Variants in PPP2R5D observed in about 807,000 individuals in gnomAD.
PPP2R5D encodes the protein serine/threonine-protein phosphatase 2A 56 kDa regulatory subunit delta isoform.
PPP2R5D carries 12 observed loss-of-function variants against 79.1 expected under a neutral mutation model. That is an observed-to-expected ratio of 0.15 (90% confidence interval 0.10 to 0.25). PPP2R5D has a LOEUF of 0.25. Among genes scored for constraint, PPP2R5D ranks in the 10% least tolerant of loss-of-function variants. The pLI, the probability that PPP2R5D is intolerant of heterozygous loss-of-function variation, is 1.00. For missense variants in PPP2R5D, 419 were observed against 760.2 expected, an observed-to-expected ratio of 0.55 and a Z score of 5.28; for synonymous variants, 277 against 286.6, an observed-to-expected ratio of 0.97 and a Z score of 0.34.
At chr6:42,989,086 G>A (rs1017627830) in intron 1 of PPP2R5D, among the ~76,000 whole-genome samples, 1 of 152,152 alleles carries the variant, frequency 6.6e-6, no homozygotes, top group Non-Finnish European at 1.5e-5. Context: ...TAGCATTCCT[G>A]GGCCTTACTG....
At position 43,006,914 on chromosome 6, in the gene PPP2R5D, C is replaced by T. The variant is rs778881166; in HGVS notation, c.326C>T (p.Ser109Leu). Residue 109 changes from serine to leucine, a missense_variant, in exon 4 of 16, where the codon TCG becomes TTG. Around this residue, in one of 5 missense-constraint regions of PPP2R5D, gnomAD observed 110 missense variants for 147.6 expected, o/e 0.75. Coordinates refer to ENST00000485511, the MANE Select transcript of PPP2R5D (RefSeq NM_006245.4). This position sits in a 1 kb window ranked among gnomAD's most constrained non-coding sequence, Gnocchi z 4.7. ...ELQKLPALKD[S>L]PTQEREELFI... ...CTGACTGCTGGGGCCCCCACAGATT[C>T]GCCAACCCAGGAGCGGGAGGAGCTG... The T allele has an allele frequency of 6.8e-6, 11 of 1,613,820 alleles. No individual in the cohort carries two copies. The highest frequency in any genetic ancestry group is 4.5e-5 in the East Asian group (2 of 44,870).
Position 43,007,502 on chromosome 6 carries a change from T to C in PPP2R5D, c.722T>C (p.Leu241Pro). 1.2e-6 allele frequency: 2 copies of C among 1,606,742 alleles called. No homozygotes were observed. Among genetic ancestry groups the C allele is most frequent in the Non-Finnish European group, 1.7e-6 (2 of 1,173,208 alleles). The change falls in exon 6 of 16, where the codon CTT (leucine) becomes CCT (proline). Residue 241 changes from leucine (L) to proline (P), a missense_variant. Physicochemically the swap from Leu to Pro is moderately conservative, Grantham distance 98 (BLOSUM62 -3). This residue lies in a region of PPP2R5D where 196 missense variants were observed against 424.5 expected (regional missense o/e 0.46). Transcript: ENST00000485511. The surrounding 1 kb of genome is among the most constrained non-coding windows in gnomAD (Gnocchi z 4.5). ...AAGTACATCGACCAGAAGTTTGTAC[T>C]TGCTGTGAGTCCCCGAGTTCCTGTC... ...AKKYIDQKFV[L>P]ALLDLFDSED...
chr6:42,987,456 C>T (rs1342611896), intron 1 of PPP2R5D, among the ~76,000 whole-genome samples: 1 of 152,066 alleles, frequency 6.6e-6, no homozygotes, highest in South Asian at 2.1e-4. Flanking sequence ...CTACGGTTTT[C>T]ATGTGCCTTA....
In PPP2R5D at chr6:43,012,224, G is replaced by T. The variant is rs138349932; in HGVS notation, c.*938G>T. The T allele has an allele frequency of 4.5e-4, 528 of 1,180,888 alleles. 1 individual carries two copies. In the African/African-American group the frequency reaches 7.7e-3, roughly 17 times the overall value. 73.2% of individuals were successfully genotyped at this position (1,180,888 alleles called of 1,614,324 possible). ...CAGGTTCCAGGGGCGCAGGCAGTGCGGCTTTTGGCTGTGTACATAGGGTGC... is the reference window on the plus strand; with the variant it reads ...CAGGTTCCAGGGGCGCAGGCAGTGCTGCTTTTGGCTGTGTACATAGGGTGC... On this transcript the variant is annotated 3_prime_UTR_variant, in exon 16 of 16. Coordinates refer to ENST00000485511, the MANE Select transcript of PPP2R5D (RefSeq NM_006245.4).
chr6:42,987,674 C>T (rs1312113500), intron 1 of PPP2R5D, among the ~76,000 whole-genome samples: 2 of 152,124 alleles, frequency 1.3e-5, no homozygotes, highest in Non-Finnish European at 2.9e-5. Context: ...GTGTGCTTCA[C>T]CTGTTCTGCA....
rs1177208732 is a variant in PPP2R5D, at chr6:43,010,882, A to G, written c.1556A>G (p.Tyr519Cys). ...IEELARLNPQYPMFRAPPPLP... is the reference protein window; with the variant it reads ...IEELARLNPQCPMFRAPPPLP... ...GCTTGTCCATGTCTCCTCACTCAGTATCCCATGTTCCGAGCCCCTCCACCA... is the reference window on the plus strand; with the variant it reads ...GCTTGTCCATGTCTCCTCACTCAGTGTCCCATGTTCCGAGCCCCTCCACCA... Residue 519 changes from tyrosine to cysteine, a missense_variant and splice_region_variant, in exon 15 of 16, where the codon TAT becomes TGT. Coordinates refer to ENST00000485511, the MANE Select transcript of PPP2R5D (RefSeq NM_006245.4). The surrounding 1 kb of genome is among the most constrained non-coding windows in gnomAD (Gnocchi z 4.7). 1.2e-6 allele frequency: 2 copies of G among 1,612,488 alleles called. No homozygotes were observed. Among genetic ancestry groups the G allele is most frequent in the Non-Finnish European group, 1.7e-6 (2 of 1,179,008 alleles).
At chr6:42,986,690 C>T (rs1770880422) in intron 1 of PPP2R5D, among the ~76,000 whole-genome samples, 2 of 151,882 alleles carry the variant, frequency 1.3e-5, no homozygotes, top group South Asian at 4.2e-4. Flanking sequence ...AAATGGAATT[C>T]GGGGAAAGCT....
At position 42,990,816 on chromosome 6, in the gene PPP2R5D, TCTC is replaced by T. The variant is rs1771211986; in HGVS notation, c.105+1131_105+1133del. On this transcript the variant is annotated intron_variant, in intron 2 of 15. Coordinates refer to ENST00000485511, the MANE Select transcript of PPP2R5D (RefSeq NM_006245.4). ...CCTCCACCTCCCGGGTTCAAGCAATTCTCCTGCCTCAGCCTCCTGAGTAGCTGG... is the reference window on the plus strand; with the variant it reads ...CCTCCACCTCCCGGGTTCAAGCAATTCTGCCTCAGCCTCCTGAGTAGCTGG... Among the ~76,000 whole-genome samples the T allele has an allele frequency of 4.1e-5, 6 of 146,516 alleles. No individual in the cohort carries two copies. The South Asian group carries it at 1.3e-3, about 33-fold the overall frequency.
At chr6:43,005,333 AG>A (rs1449316127) in intron 2 of PPP2R5D, among the ~76,000 whole-genome samples, 18 of 151,786 alleles carry the variant, frequency 1.2e-4, no homozygotes, top group Non-Finnish European at 7.4e-5. Flanking sequence ...TTCAGGCTGG[AG>A]TGCAGTTGGT....
chr6:43,008,176 AAGAG>A lies in PPP2R5D; in HGVS notation c.858-22_858-19del. ...TGCTGGAGGGACATCAGGGGTTGTCAAGAGAGCCATTTTTCTTCCCTCAGGTTCA... is the reference window on the plus strand; with the variant it reads ...TGCTGGAGGGACATCAGGGGTTGTCAAGCCATTTTTCTTCCCTCAGGTTCA... On this transcript the variant is annotated intron_variant, in intron 7 of 15. Coordinates refer to ENST00000485511, the MANE Select transcript of PPP2R5D (RefSeq NM_006245.4). The surrounding 1 kb of genome is among the most constrained non-coding windows in gnomAD (Gnocchi z 4.2). 2.1e-6 allele frequency: 3 copies of A among 1,449,548 alleles called. No individual in the cohort carries two copies. Among genetic ancestry groups the A allele is most frequent in the Non-Finnish European group, 1.9e-6 (2 of 1,062,042 alleles). The allele number at this position is 1,449,548 out of a possible 1,614,324, so 89.8% of individuals were successfully genotyped here. A position where few individuals can be genotyped will look rare whatever the true frequency, so the allele number is the denominator to read the frequency against.
At chr6:43,000,322 C>T (rs150653264) in intron 2 of PPP2R5D, among the ~76,000 whole-genome samples, 302 of 146,396 alleles carry the variant, frequency 2.1e-3, no homozygotes, top group Non-Finnish European at 3.5e-3. Flanking sequence ...ACTGCATCCT[C>T]TGCCTCCTGG....
At position 43,011,644 on chromosome 6, in the gene PPP2R5D, A is replaced by C; in HGVS notation, c.*358A>C. On this transcript the variant is annotated 3_prime_UTR_variant, in exon 16 of 16. Coordinates refer to ENST00000485511, the MANE Select transcript of PPP2R5D (RefSeq NM_006245.4). The stretch of plus-strand genomic sequence containing the variant: ...CTATTCTTCCCTTCATCCTCATTTG[A>C]ACGCCAGGTATCTCCCCTCCTCTCT... 1 of 256,908 alleles carries C rather than the reference A, an allele frequency of 3.9e-6. No homozygotes were observed. The highest frequency in any genetic ancestry group is 5.7e-5 in the South Asian group (1 of 17,544). 15.9% of individuals were successfully genotyped at this position (256,908 alleles called of 1,614,324 possible).
intron 1 of PPP2R5D, among the ~76,000 whole-genome samples, chr6:42,985,561 T>TC (rs1379039523): frequency 6.6e-6 from 1 of 151,798 alleles, no homozygotes; most frequent in African/African-American, 2.4e-5. Flanking sequence ...CTGAGTAGGC[T>TC]CCTCACCCTT....
At chr6:42,991,601 C>T (rs926550866) in intron 2 of PPP2R5D, among the ~76,000 whole-genome samples, 4 of 152,170 alleles carry the variant, frequency 2.6e-5, no homozygotes, top group Admixed American at 6.5e-5. Flanking sequence ...CCATGAGGCT[C>T]TCATTCACTC....
rs1762074253 is a variant in PPP2R5D at position 43,006,319 on chromosome 6, AC to A, written c.106-141del. 1.4e-6 allele frequency: 2 copies of A among 1,405,088 alleles called. No individual in the cohort carries two copies. Among genetic ancestry groups the A allele is most frequent in the Non-Finnish European group, 1.9e-6 (2 of 1,063,934 alleles). 87.0% of individuals were successfully genotyped at this position (1,405,088 alleles called of 1,614,324 possible). Reference sequence around the variant, plus strand: ...GGGCTACAGCACAGTTATCTCTGTAACCCTGGCCTTAGCTCCTTCGGGGCAG... The same window carrying A: ...GGGCTACAGCACAGTTATCTCTGTAACCTGGCCTTAGCTCCTTCGGGGCAG... On this transcript the variant is annotated intron_variant, in intron 2 of 15. Transcript: ENST00000485511. This position sits in a 1 kb window ranked among gnomAD's most constrained non-coding sequence, Gnocchi z 4.7.
intron 2 of PPP2R5D, among the ~76,000 whole-genome samples, chr6:42,992,235 AT>A (rs1376494279): frequency 4.0e-5 from 6 of 151,878 alleles, no homozygotes; most frequent in Admixed American, 3.3e-4. Flanking sequence ...AATTTTTTGT[AT>A]TTTTAGTAGA....
At position 43,011,446 on chromosome 6, in the gene PPP2R5D, G is replaced by A. The variant is rs1762347518; in HGVS notation, c.*160G>A. ...GGCACTTGAAGCAGGGACACCCACA[G>A]AATGGTCCCTCTTCTCCCCAAAAGG... On this transcript the variant is annotated 3_prime_UTR_variant, in exon 16 of 16. Transcript: ENST00000485511. 1.0e-5 allele frequency: 10 copies of A among 965,836 alleles called. No homozygotes were observed. The South Asian group carries it at 1.5e-4, about 15-fold the overall frequency. The allele number at this position is 965,836 out of a possible 1,614,324, so 59.8% of individuals were successfully genotyped here.
At position 42,989,741 on chromosome 6, in the gene PPP2R5D, C is replaced by A. The variant is rs370752598; in HGVS notation, c.105+53C>A. 15 of 1,513,126 alleles carry A rather than the reference C, an allele frequency of 9.9e-6. No individual in the cohort carries two copies. In the African/African-American group the frequency reaches 2.1e-4, roughly 21 times the overall value. 93.7% of individuals were successfully genotyped at this position (1,513,126 alleles called of 1,614,324 possible). On this transcript the variant is annotated intron_variant, in intron 2 of 15. Coordinates refer to ENST00000485511, the MANE Select transcript of PPP2R5D (RefSeq NM_006245.4). ...GTGGTGCAGGTGCCACCCGCAACTC[C>A]ATGATGGCTAGTTGGGTAGGGGATC...
chr6:42,995,794 C>T (rs532288184), intron 2 of PPP2R5D, among the ~76,000 whole-genome samples: 1 of 151,326 alleles, frequency 6.6e-6, no homozygotes, highest in African/African-American at 2.4e-5. Context: ...TGGCTCACTG[C>T]AGCCTCAACC....
Sources: allele counts gnomAD v4.1 joint callset (sites outside exome capture counted in the v4.1 genomes callset), GRCh38; gene constraint gnomAD v4.1.1; regional missense constraint gnomAD v4.1.1; non-coding constraint Gnocchi (gnomAD v3.1); transcripts MANE v1.5; gene names NCBI Gene and HGNC (gene_info 2026-07-23, HGNC 2026-07-21).